The following CNTN3 variants were observed in gnomAD, a reference collection of about 807,000 sequenced individuals.
CNTN3 encodes the protein contactin 3, also known as contactin-3.
Under a neutral mutation model 119.1 loss-of-function variants are expected in CNTN3, and 60 were observed. That is an observed-to-expected ratio of 0.50 (90% CI 0.41 to 0.62). The LOEUF is 0.62. Among genes scored for constraint, CNTN3 ranks in the 20% least tolerant of loss-of-function variants. The pLI is 0.00. For synonymous variants in CNTN3, 450 were observed against 438.7 expected (o/e 1.03, Z -0.32); for missense variants, 1,101 against 1,242.4 (o/e 0.89, Z 1.71).
intron 3 of CNTN3, among the ~76,000 whole-genome samples, chr3:74,496,805 A>T (rs1703072663): frequency 6.6e-6 from 1 of 152,090 alleles, no homozygotes; most frequent in African/African-American, 2.4e-5. Context: ...AAAAGAAAGA[A>T]TAAAATCCTC....
At chr3:74,525,803 C>T (rs1703611322) in intron 1 of CNTN3, among the ~76,000 whole-genome samples, 1 of 151,710 alleles carries the variant, frequency 6.6e-6, no homozygotes, top group Admixed American at 6.6e-5. Flanking sequence ...GACTCAAAAC[C>T]AAAAATGCTC....
Position 74,281,120 on chromosome 3 carries a change from T to C in CNTN3, c.2704+4185A>G, listed in dbSNP as rs144276336. 1.1e-3 allele frequency among the ~76,000 whole-genome samples: 166 copies of C among 152,182 alleles called. 1 individual carries two copies. Among genetic ancestry groups the C allele is most frequent in the African/African-American group, 3.9e-3 (160 of 41,538 alleles). On this transcript the variant is annotated intron_variant, in intron 20 of 22. Transcript: ENST00000263665. ...GGGGAGTGGATTGTATAAGGCCTCA[T>C]TGGGCATTTTAAGGATTTAGCATTT...
intron 11 of CNTN3, among the ~76,000 whole-genome samples, chr3:74,354,060 C>T (rs906615933): frequency 1.3e-5 from 2 of 152,066 alleles, no homozygotes; most frequent in Admixed American, 6.5e-5. Context: ...ATGCTTACTG[C>T]ATTTTAATGC....
chr3:74,404,380 T>C (rs1411235816), intron 5 of CNTN3, among the ~76,000 whole-genome samples: 1 of 152,120 alleles, frequency 6.6e-6, no homozygotes, highest in African/African-American at 2.4e-5. Context: ...GGAAGATAGT[T>C]GTTAAATCTT....
chr3:74,559,384 C>G (rs926594841), intron 1 of CNTN3, among the ~76,000 whole-genome samples: 1 of 152,084 alleles, frequency 6.6e-6, no homozygotes. Context: ...AAGCAATGGC[C>G]ATCCCTGCTC....
chr3:74,435,576 C>A (rs180864991), intron 4 of CNTN3, among the ~76,000 whole-genome samples: 31 of 152,222 alleles, frequency 2.0e-4, no homozygotes, highest in African/African-American at 6.7e-4. Flanking sequence ...CTTATGAAGT[C>A]ATAAGAGTAT....
intron 11 of CNTN3, among the ~76,000 whole-genome samples, chr3:74,354,827 TA>T (rs35638315): frequency 0.027 from 4,183 of 152,202 alleles, 240 homozygotes; most frequent in African/African-American, 0.095. Context: ...ATTTATTTAA[TA>T]AATCAATCAC....
intron 13 of CNTN3, among the ~76,000 whole-genome samples, chr3:74,306,231 G>A (rs610770): frequency 0.37 from 49,918 of 133,554 alleles, 10,859 homozygotes; most frequent in East Asian, 0.72. Flanking sequence ...AAAAAAAAAA[G>A]AAACTCGGTA....
At chr3:74,552,422 TGAGTGA>T (rs1704005495) in intron 1 of CNTN3, among the ~76,000 whole-genome samples, 2 of 152,176 alleles carry the variant, frequency 1.3e-5, no homozygotes, top group Non-Finnish European at 1.5e-5. Context: ...CACCTAGCAA[TGAGTGA>T]GAGTTCTGTT....
At chr3:74,476,334 A>G (rs2107014918) in intron 4 of CNTN3, among the ~76,000 whole-genome samples, 1 of 152,294 alleles carries the variant, frequency 6.6e-6, no homozygotes, top group South Asian at 2.1e-4. Flanking sequence ...AGTAATGAAC[A>G]TTGACTATTT....
chr3:74,474,459 A>C (rs1282499007), intron 4 of CNTN3, among the ~76,000 whole-genome samples: 1 of 152,064 alleles, frequency 6.6e-6, no homozygotes, highest in Non-Finnish European at 1.5e-5. Flanking sequence ...GGAGTAATAA[A>C]ATGACTCAAA....
At chr3:74,477,124 T>G (rs1488357705) in intron 4 of CNTN3, among the ~76,000 whole-genome samples, 1 of 152,124 alleles carries the variant, frequency 6.6e-6, no homozygotes, top group East Asian at 1.9e-4. Flanking sequence ...CATTATGTGC[T>G]AGACAGTGTT....
chr3:74,403,725 C>A (rs1176652987), intron 5 of CNTN3, among the ~76,000 whole-genome samples: 1 of 152,006 alleles, frequency 6.6e-6, no homozygotes, highest in Non-Finnish European at 1.5e-5. Context: ...GATCATGAAA[C>A]CAAAAGAAAG....
intron 13 of CNTN3, among the ~76,000 whole-genome samples, chr3:74,308,964 T>C (rs550988169): frequency 1.3e-5 from 2 of 152,300 alleles, no homozygotes; most frequent in Admixed American, 1.3e-4. Context: ...CAAAATAATT[T>C]AAATGCTCAC....
At chr3:74,416,043 T>C (rs186478347) in intron 5 of CNTN3, among the ~76,000 whole-genome samples, 1 of 152,238 alleles carries the variant, frequency 6.6e-6, no homozygotes, top group East Asian at 1.9e-4. Context: ...CCATTCCTTT[T>C]CTCTAAACAT....
chr3:74,491,215 T>C (rs951431324), intron 3 of CNTN3, among the ~76,000 whole-genome samples: 1 of 152,080 alleles, frequency 6.6e-6, no homozygotes, highest in African/African-American at 2.4e-5. Context: ...AAATGAATAA[T>C]AAGGGCCAGG....
intron 18 of CNTN3, 45 bp from the exon 19 acceptor site, chr3:74,295,281 T>C (rs1339487342): frequency 9.1e-7 from 1 of 1,093,514 alleles, no homozygotes. Flanking sequence ...TTTTGGCAGT[T>C]AGTTTAAAAC....
At chr3:74,494,899 G>A (rs542362420) in intron 3 of CNTN3, among the ~76,000 whole-genome samples, 13 of 152,134 alleles carry the variant, frequency 8.5e-5, no homozygotes, top group Admixed American at 3.9e-4. Context: ...GCAATGCAAC[G>A]GTTGGGCACA....
chr3:74,424,392 A>AATATATAT (rs1232155160), intron 5 of CNTN3, among the ~76,000 whole-genome samples: 3 of 89,186 alleles, frequency 3.4e-5, no homozygotes, highest in Admixed American at 1.4e-4. Flanking sequence ...TATGTGTATA[A>AATATATAT]ATATATATAT....
Sources: gnomAD v4.1 joint callset for allele counts (sites outside exome capture counted in the v4.1 genomes callset) on GRCh38, gnomAD v4.1.1 for gene constraint, MANE v1.5 for transcripts, NCBI Gene and HGNC (gene_info 2026-07-23, HGNC 2026-07-21) for gene names.